The following SLC17A6 variants were observed in gnomAD, a reference collection of about 807,000 sequenced individuals.
SLC17A6 encodes solute carrier family 17 member 6.
In SLC17A6, 35 loss-of-function variants were observed where a neutral mutation model predicts 67.1. That is an observed-to-expected ratio of 0.52 (90% CI 0.40 to 0.69). The LOEUF is 0.69. Ranked by LOEUF, SLC17A6 falls within the 30% of genes least tolerant of loss-of-function variation. The probability of loss-of-function intolerance (pLI) is 0.00; values close to 1 mark genes in which losing one functional copy is unlikely to be tolerated. For synonymous variants in SLC17A6, 285 were observed against 252.3 expected (o/e 1.13, Z -1.23); for missense variants, 588 against 723.9 (o/e 0.81, Z 2.15).
chr11:22,367,067 G>T (rs1856121417), intron 7 of SLC17A6, among the ~76,000 whole-genome samples: 1 of 147,934 alleles, frequency 6.8e-6, no homozygotes, highest in Non-Finnish European at 1.5e-5. Flanking sequence ...TAGACATATT[G>T]AGGCATTAGG....
chr11:22,364,473 T>A (rs1398443854), intron 6 of SLC17A6, among the ~76,000 whole-genome samples: 2 of 152,178 alleles, frequency 1.3e-5, no homozygotes, highest in African/African-American at 4.8e-5. Flanking sequence ...AGCGAATAAA[T>A]GACAGTCAGG....
chr11:22,365,435 C>A, intron 6 of SLC17A6, 112 bp from the exon 7 acceptor site: 2 of 1,247,078 alleles, frequency 1.6e-6, no homozygotes, highest in Non-Finnish European at 1.2e-6. Flanking sequence ...GAAACATAAG[C>A]TTGAATTCTT....
Position 22,377,302 on chromosome 11 carries a change from T to A in SLC17A6, c.1414-103T>A, listed in dbSNP as rs1856241955. On this transcript the variant is annotated intron_variant, in intron 11 of 11. Transcript: ENST00000263160. The stretch of plus-strand genomic sequence containing the variant: ...AATCAGGATATGGATTTTTCCCAAA[T>A]ATAGTGTTTTATGAAAACTCAGTGG... The A allele has an allele frequency of 1.1e-5, 11 of 1,031,802 alleles. No individual in the cohort carries two copies. In the South Asian group the frequency reaches 1.6e-4, roughly 15 times the overall value. 63.9% of individuals were successfully genotyped at this position (1,031,802 alleles called of 1,614,324 possible). A position where few individuals can be genotyped will look rare whatever the true frequency, so the allele number is the denominator to read the frequency against.
chr11:22,341,869 C>A (rs1855820181), intron 2 of SLC17A6, 89 bp downstream of exon 2: 2 of 1,533,508 alleles, frequency 1.3e-6, no homozygotes, highest in African/African-American at 1.4e-5. Context: ...GTTCCCCCGC[C>A]ACTGAGAGGA....
At chr11:22,353,863 G>A (rs1272832595) in intron 3 of SLC17A6, among the ~76,000 whole-genome samples, 5 of 152,000 alleles carry the variant, frequency 3.3e-5, no homozygotes, top group Non-Finnish European at 5.9e-5. Context: ...GATGTCCTGG[G>A]GGAATATCTG....
chr11:22,368,214 C>T (rs1325474390), intron 7 of SLC17A6, among the ~76,000 whole-genome samples: 3 of 151,974 alleles, frequency 2.0e-5, no homozygotes, highest in Non-Finnish European at 4.4e-5. Context: ...CATTTAACTC[C>T]TACATCATAT....
intron 1 of SLC17A6, among the ~76,000 whole-genome samples, chr11:22,339,017 C>T (rs1467421411): frequency 7.0e-6 from 1 of 142,414 alleles, no homozygotes; most frequent in African/African-American, 2.6e-5. Flanking sequence ...ATATAAAACA[C>T]AACCATCTAA....
At chr11:22,372,749 T>C (rs1447738069) in intron 8 of SLC17A6, among the ~76,000 whole-genome samples, 1 of 152,122 alleles carries the variant, frequency 6.6e-6, no homozygotes, top group Non-Finnish European at 1.5e-5. Context: ...CTCAAAAACA[T>C]TTATCCTAGC....
At chr11:22,373,529 A>G (rs1233161140) in intron 8 of SLC17A6, among the ~76,000 whole-genome samples, 1 of 152,030 alleles carries the variant, frequency 6.6e-6, no homozygotes. Flanking sequence ...CCTGCTACAT[A>G]CCAAGTTTTG....
At chr11:22,348,289 T>C (rs181317978) in intron 3 of SLC17A6, among the ~76,000 whole-genome samples, 5 of 152,312 alleles carry the variant, frequency 3.3e-5, no homozygotes. Context: ...TTACAATCTA[T>C]CATGCCCCAA....
chr11:22,357,603 A>G (rs990411188), intron 3 of SLC17A6, among the ~76,000 whole-genome samples: 1 of 152,224 alleles, frequency 6.6e-6, no homozygotes, highest in African/African-American at 2.4e-5. Context: ...ACTAAGCTAA[A>G]GAATGGGTAA....
At chr11:22,354,807 G>T (rs1248641329) in intron 3 of SLC17A6, among the ~76,000 whole-genome samples, 1 of 152,188 alleles carries the variant, frequency 6.6e-6, no homozygotes, top group Non-Finnish European at 1.5e-5. Flanking sequence ...GTGAAGTAAA[G>T]ATGGCAGTAA....
At chr11:22,370,275 T>C in intron 8 of SLC17A6, 87 bp downstream of exon 8, 1 of 1,084,320 alleles carries the variant, frequency 9.2e-7, no homozygotes, top group Non-Finnish European at 1.3e-6. Context: ...TTTTATCTTC[T>C]AATTTTCAGA....
At chr11:22,343,090 G>A in intron 2 of SLC17A6, 157 bp from the exon 3 acceptor site, 1 of 721,376 alleles carries the variant, frequency 1.4e-6, no homozygotes, top group East Asian at 2.5e-5. Context: ...GTTGCAAGAG[G>A]CAATTTTGTT....
intron 4 of SLC17A6, 53 bp downstream of exon 4, chr11:22,359,580 A>G (rs1856026935): frequency 9.0e-7 from 1 of 1,111,744 alleles, no homozygotes; most frequent in East Asian, 2.6e-5. Flanking sequence ...GTTGAGAACC[A>G]CCAGTTTATC....
intron 8 of SLC17A6, 100 bp from the exon 9 acceptor site, chr11:22,374,655 G>T: frequency 1.0e-6 from 1 of 962,760 alleles, no homozygotes; most frequent in African/African-American, 1.7e-5. Flanking sequence ...TCCTTCCTTT[G>T]TCCATAAAGA....
rs768635016 is a variant in SLC17A6, at chr11:22,374,900, G to A, written c.1174+13G>A. ...ATGAATTGTGGTGGTAAGTACATAA[G>A]TGGCACTAAGGACATGTTTTTAGTT... On this transcript the variant is annotated intron_variant, in intron 9 of 11. Transcript: ENST00000263160. 2 of 1,605,926 alleles carry A rather than the reference G, an allele frequency of 1.2e-6. No individual in the cohort carries two copies. Among genetic ancestry groups the A allele is most frequent in the African/African-American group, 1.3e-5 (1 of 74,596 alleles).
In SLC17A6 at chr11:22,378,594, A is replaced by G. The variant is rs1054075104; in HGVS notation, c.*854A>G. 3 of 152,548 alleles carry G rather than the reference A, an allele frequency of 2.0e-5. No individual in the cohort carries two copies. Among genetic ancestry groups the G allele is most frequent in the African/African-American group, 7.2e-5 (3 of 41,454 alleles). 9.4% of individuals were successfully genotyped at this position (152,548 alleles called of 1,614,324 possible). A position where few individuals can be genotyped will look rare whatever the true frequency, so the allele number is the denominator to read the frequency against. On this transcript the variant is annotated 3_prime_UTR_variant, in exon 12 of 12. Transcript: ENST00000263160. ...AGATATATACACCACAAAGAATCTA[A>G]TAAGAAATTTATTATGGAGATATAG... is the stretch of plus-strand genomic sequence containing the variant.
At chr11:22,368,218 A>C (rs1856135087) in intron 7 of SLC17A6, among the ~76,000 whole-genome samples, 2 of 152,094 alleles carry the variant, frequency 1.3e-5, no homozygotes, top group African/African-American at 4.8e-5. Context: ...TAACTCCTAC[A>C]TCATATTCAA....
Sources: gnomAD v4.1 joint callset for allele counts (sites outside exome capture counted in the v4.1 genomes callset) on GRCh38, gnomAD v4.1.1 for gene constraint, MANE v1.5 for transcripts, NCBI Gene and HGNC (gene_info 2026-07-23, HGNC 2026-07-21) for gene names.